Variants in NOX3 observed in about 807,000 individuals in gnomAD.
NOX3 encodes NADPH oxidase 3, also known as NADPH oxidase catalytic subunit-like 3.
NOX3 carries 74 observed loss-of-function variants against 76.7 expected under a neutral mutation model. The observed-to-expected ratio is 0.96, with a 90% CI of 0.80 to 1.17. NOX3 has a LOEUF of 1.17. Among genes scored for constraint, NOX3 ranks in the 50% most tolerant of loss-of-function variants. NOX3 has a pLI of 0.00. For synonymous variants in NOX3, 263 were observed against 261.1 expected, an observed-to-expected ratio of 1.01 and a Z score of -0.07; for missense variants, 695 against 703.3, an observed-to-expected ratio of 0.99 and a Z score of 0.13.
At chr6:155,455,179 C>T in intron 1 of NOX3, 50 bp from the exon 2 acceptor site, 2 of 1,234,072 alleles carry the variant, frequency 1.6e-6, no homozygotes, top group Non-Finnish European at 2.3e-6. Context: ...CAAGCTTTTT[C>T]TCTATTCAAA....
At chr6:155,441,990 C>A (rs1436755402) in intron 5 of NOX3, among the ~76,000 whole-genome samples, 1 of 152,152 alleles carries the variant, frequency 6.6e-6, no homozygotes, top group Admixed American at 6.5e-5. Flanking sequence ...TCAAGCCGAG[C>A]GCGGTGGCTC....
chr6:155,432,673 G>A (rs1776850117), intron 7 of NOX3, among the ~76,000 whole-genome samples: 1 of 151,974 alleles, frequency 6.6e-6, no homozygotes, highest in Admixed American at 6.6e-5. Context: ...TTCCTGGGGG[G>A]GCTCTTGGCC....
chr6:155,408,947 C>T (rs763481740), intron 11 of NOX3, among the ~76,000 whole-genome samples: 16 of 144,444 alleles, frequency 1.1e-4, no homozygotes, highest in Admixed American at 2.2e-4. Context: ...ACTGGGGGCT[C>T]CAAAAGGGGG....
At chr6:155,422,011 T>C (rs1383956069) in intron 10 of NOX3, among the ~76,000 whole-genome samples, 2 of 152,178 alleles carry the variant, frequency 1.3e-5, no homozygotes. Context: ...AGAGAAGATA[T>C]GCAGGACGGC....
At chr6:155,427,015 G>T (rs1381763345) in intron 9 of NOX3, among the ~76,000 whole-genome samples, 1 of 146,602 alleles carries the variant, frequency 6.8e-6, no homozygotes, top group Non-Finnish European at 1.5e-5. Flanking sequence ...GTGTGTGTGT[G>T]TGTGTGTGTG....
chr6:155,405,273 A>G (rs148725168), intron 12 of NOX3, among the ~76,000 whole-genome samples: 17 of 152,292 alleles, frequency 1.1e-4, no homozygotes, highest in African/African-American at 3.4e-4. Flanking sequence ...ATACAGAGAA[A>G]GTGGATGGAA....
chr6:155,427,890 C>T (rs1339710384), intron 9 of NOX3, among the ~76,000 whole-genome samples: 5 of 151,722 alleles, frequency 3.3e-5, no homozygotes, highest in African/African-American at 7.3e-5. Context: ...CTTTTTCTTT[C>T]CTCCTCCTCC....
intron 12 of NOX3, 76 bp from the exon 13 acceptor site, chr6:155,397,038 A>G: frequency 7.3e-7 from 1 of 1,372,198 alleles, no homozygotes; most frequent in Non-Finnish European, 9.8e-7. Flanking sequence ...CAATGATAAG[A>G]TTAATGAAGT....
intron 4 of NOX3, among the ~76,000 whole-genome samples, chr6:155,448,641 CAAA>C (rs34503841): frequency 4.4e-4 from 50 of 113,862 alleles, no homozygotes; most frequent in African/African-American, 1.3e-3. Flanking sequence ...AAGAGTGAAC[CAAA>C]AAAAAAAAAA....
At chr6:155,422,898 A>T (rs760548128) in intron 9 of NOX3, 42 bp from the exon 10 acceptor site, 3 of 1,606,094 alleles carry the variant, frequency 1.9e-6, no homozygotes, top group Non-Finnish European at 2.6e-6. Context: ...CCTTCAGAAC[A>T]CCTTGCTCGT....
At chr6:155,452,929 T>C (rs1261217568) in intron 4 of NOX3, among the ~76,000 whole-genome samples, 5 of 152,202 alleles carry the variant, frequency 3.3e-5, no homozygotes, top group African/African-American at 1.2e-4. Context: ...TTCATGTCTT[T>C]TCAAGACCCT....
In NOX3 at chr6:155,407,210, A is replaced by T; in HGVS notation, c.1500T>A (p.Ile500=). The part of the protein sequence containing the change: ...ALHWDENTDV[I]TGLKQKTFYG... ...AGAAGGTCTTCTGCTTTAAGCCTGT[A>T]ATCACGTCAGTATTTTCGTCCCAGT... Residue 500 remains isoleucine (I), a synonymous_variant, in exon 12 of 14, where the codon ATT becomes ATA. Transcript: ENST00000159060. 1 of 1,614,094 alleles carries T rather than the reference A, an allele frequency of 6.2e-7. No individual in the cohort carries two copies. Among genetic ancestry groups the T allele is most frequent in the Non-Finnish European group, 8.5e-7 (1 of 1,179,954 alleles).
chr6:155,409,253 T>G (rs1776509890), intron 11 of NOX3, among the ~76,000 whole-genome samples: 1 of 151,778 alleles, frequency 6.6e-6, no homozygotes, highest in South Asian at 2.1e-4. Flanking sequence ...ACACGCCAGG[T>G]GTGGGGAGAG....
At chr6:155,418,307 G>T (rs1250309453) in intron 10 of NOX3, among the ~76,000 whole-genome samples, 4 of 151,946 alleles carry the variant, frequency 2.6e-5, no homozygotes, top group Non-Finnish European at 5.9e-5. Flanking sequence ...GGACTTTATT[G>T]CTAGAGGGCA....
In NOX3 at chr6:155,455,110, T is replaced by A. The variant is rs759580582; in HGVS notation, c.68A>T (p.Asn23Ile). 6.2e-7 allele frequency: 1 copy of A among 1,611,944 alleles called. No homozygotes were observed. The highest frequency in any genetic ancestry group is 8.5e-7 in the Non-Finnish European group (1 of 1,178,572). ...GAACGTGTCAATAAACAGATAAAAA[T>A]TTATTCCCAGCCATGAGAGCTAGAG... is the stretch of plus-strand genomic sequence containing the variant. Reference protein sequence around the residue: ...TILVLSWLGINFYLFIDTFYW... With the variant: ...TILVLSWLGIIFYLFIDTFYW... The change falls in exon 2 of 14, where the codon AAT (asparagine) becomes ATT (isoleucine). Residue 23 changes from asparagine to isoleucine, a missense_variant. By Grantham distance (149) the Asn-to-Ile change is moderately radical (BLOSUM62 -3). Transcript: ENST00000159060.
chr6:155,408,508 C>A (rs1484527959), intron 11 of NOX3, among the ~76,000 whole-genome samples: 1 of 152,154 alleles, frequency 6.6e-6, no homozygotes, highest in African/African-American at 2.4e-5. Context: ...GTAAGCCTGA[C>A]TTTCCTGGCT....
chr6:155,398,932 G>C (rs1779175475), intron 12 of NOX3, among the ~76,000 whole-genome samples: 1 of 152,234 alleles, frequency 6.6e-6, no homozygotes, highest in Non-Finnish European at 1.5e-5. Context: ...GGAATGGCTA[G>C]CTTCCTGATA....
At chr6:155,429,110 T>C in intron 8 of NOX3, 63 bp from the exon 9 acceptor site, 1 of 1,426,284 alleles carries the variant, frequency 7.0e-7, no homozygotes, top group Non-Finnish European at 9.3e-7. Context: ...CACCTTTCAT[T>C]CCATCAAAGG....
intron 10 of NOX3, among the ~76,000 whole-genome samples, chr6:155,415,642 T>C (rs1054069425): frequency 2.6e-5 from 4 of 152,216 alleles, no homozygotes; most frequent in Non-Finnish European, 4.4e-5. Context: ...GGCTTCACCA[T>C]GCAGGTAGAA....
Sources: gnomAD v4.1 joint callset for allele counts (sites outside exome capture counted in the v4.1 genomes callset) on GRCh38, gnomAD v4.1.1 for gene constraint, MANE v1.5 for transcripts, NCBI Gene and HGNC (gene_info 2026-07-23, HGNC 2026-07-21) for gene names.